The following SYTL1 variants were observed in gnomAD, a reference collection of about 807,000 sequenced individuals.
SYTL1 encodes synaptotagmin-like protein 1.
Under a neutral mutation model 74.6 loss-of-function variants are expected in SYTL1, and 53 were observed. The ratio of observed to expected loss-of-function variants is 0.71; its 90% CI spans 0.57 to 0.89. The LOEUF (loss-of-function observed/expected upper bound fraction) is 0.89. Ranked by LOEUF, SYTL1 falls within the 40% of genes least tolerant of loss-of-function variation. The pLI is 0.00. For synonymous variants in SYTL1, 329 were observed against 324.9 expected, an observed-to-expected ratio of 1.01 and a Z score of -0.14; for missense variants, 728 against 768.7, an observed-to-expected ratio of 0.95 and a Z score of 0.63.
rs199810766 is a variant in SYTL1, at chr1:27,349,195, G to C, written c.532+43G>C. 187 of 1,596,024 alleles carry C rather than the reference G, an allele frequency of 1.2e-4. 2 individuals are homozygous for C. In the East Asian group the frequency reaches 4.1e-3, roughly 35 times the overall value. On this transcript the variant is annotated intron_variant, in intron 6 of 14. Coordinates refer to ENST00000616558, the MANE Select transcript of SYTL1 (RefSeq NM_001193308.2). Reference sequence around the variant, plus strand: ...TTGGGGAGCACGGAGAGGTTTCGCGGGTCAGAGGCAGCTCTAAGGGGCCCC... The same window carrying C: ...TTGGGGAGCACGGAGAGGTTTCGCGCGTCAGAGGCAGCTCTAAGGGGCCCC...
rs1381077151 is a variant in SYTL1 at position 27,351,511 on chromosome 1, C to G, written c.1299C>G (p.Asp433Glu). Residue 433 changes from aspartate (D) to glutamate (E), a missense_variant, in exon 13 of 15, where the codon GAC becomes GAG. Physicochemically the swap from Asp to Glu is conservative, Grantham distance 45. Transcript: ENST00000616558. The surrounding 1 kb of genome is among the most constrained non-coding windows in gnomAD (Gnocchi z 5.0). ...ACTTCTGGGTGAAGGAGGCTCGGGA[C>G]CTCCTGCCGCTGCGGGCAGGATCCC... ...ELHFWVKEAR[D>E]LLPLRAGSLD... The G allele has an allele frequency of 1.3e-5, 20 of 1,549,020 alleles. No individual in the cohort carries two copies. The highest frequency in any genetic ancestry group is 1.7e-5 in the Non-Finnish European group (19 of 1,146,218).
Position 27,351,440 on chromosome 1 carries a change from C to A in SYTL1, c.1244-16C>A. 1 of 1,514,090 alleles carries A rather than the reference C, an allele frequency of 6.6e-7. No individual in the cohort carries two copies. The highest frequency in any genetic ancestry group is 1.7e-4 in the Middle Eastern group (1 of 5,774). The allele number at this position is 1,514,090 out of a possible 1,614,324, so 93.8% of individuals were successfully genotyped here. On this transcript the variant is annotated splice_polypyrimidine_tract_variant and intron_variant, in intron 12 of 14. Transcript: ENST00000616558. This position sits in a 1 kb window ranked among gnomAD's most constrained non-coding sequence, Gnocchi z 5.0. ...GACTCCATCCGTGTGCGGGCCTGAG[C>A]CGAGCCTCTCCGCAGGCGCAGGACT...
chr1:27,350,992 G>A lies in SYTL1; in HGVS notation c.1164+40G>A, dbSNP rs1557545652. 1.2e-6 allele frequency: 2 copies of A among 1,608,458 alleles called. No individual in the cohort carries two copies. Among genetic ancestry groups the A allele is most frequent in the Admixed American group, 1.7e-5 (1 of 59,852 alleles). Reference sequence around the variant, plus strand: ...CCGCGTGGGGAGACCTGCGGCCCGGGTCTCCTGCATTTACCCCACCAGGCT... The same window carrying A: ...CCGCGTGGGGAGACCTGCGGCCCGGATCTCCTGCATTTACCCCACCAGGCT... On this transcript the variant is annotated intron_variant, in intron 11 of 14. Transcript: ENST00000616558. The surrounding 1 kb of genome is among the most constrained non-coding windows in gnomAD (Gnocchi z 6.3).
Position 27,350,206 on chromosome 1 carries a change from C to T in SYTL1, c.908+74C>T, listed in dbSNP as rs778061515. ...ACCATTCACAGGGTCTCGGCCTCCT[C>T]GTCCTCATCTTCAAAATGGGAACAA... is the stretch of plus-strand genomic sequence containing the variant. On this transcript the variant is annotated intron_variant, in intron 9 of 14. Transcript: ENST00000616558. This position sits in a 1 kb window ranked among gnomAD's most constrained non-coding sequence, Gnocchi z 6.3. The T allele has an allele frequency of 6.8e-7, 1 of 1,474,824 alleles. No homozygotes were observed. The highest frequency in any genetic ancestry group is 2.2e-5 in the Admixed American group (1 of 46,106). The allele number at this position is 1,474,824 out of a possible 1,614,324, so 91.4% of individuals were successfully genotyped here.
Position 27,347,747 on chromosome 1 carries a change from C to G in SYTL1, c.341-61C>G. 1 of 1,573,090 alleles carries G rather than the reference C, an allele frequency of 6.4e-7. No homozygotes were observed. Among genetic ancestry groups the G allele is most frequent in the Non-Finnish European group, 8.6e-7 (1 of 1,157,948 alleles). Reference sequence around the variant, plus strand: ...TGGGTGGGTATCTCCCAGGGCCTCTCCCGAGTCACAGCCAGGCTTCCTGAG... The same window carrying G: ...TGGGTGGGTATCTCCCAGGGCCTCTGCCGAGTCACAGCCAGGCTTCCTGAG... On this transcript the variant is annotated intron_variant, in intron 3 of 14. Coordinates refer to ENST00000616558, the MANE Select transcript of SYTL1 (RefSeq NM_001193308.2). The surrounding 1 kb of genome is among the most constrained non-coding windows in gnomAD (Gnocchi z 4.9).
At chr1:27,349,898 A>C (rs2015178074) in intron 8 of SYTL1, 74 bp from the exon 9 acceptor site, 1 of 1,541,908 alleles carries the variant, frequency 6.5e-7, no homozygotes, top group Non-Finnish European at 8.7e-7. Context: ...CCCGGGTCTG[A>C]AGCCTCCGCG....
intron 2 of SYTL1, among the ~76,000 whole-genome samples, chr1:27,346,027 C>T (rs1023313881): frequency 2.5e-4 from 38 of 152,138 alleles, no homozygotes; most frequent in Middle Eastern, 3.2e-3. Context: ...ATGATCCACC[C>T]GCCTCAGCCT....
rs1206039741 is a variant in SYTL1, at chr1:27,351,469, C to T, written c.1257C>T (p.Pro419=). The T allele has an allele frequency of 6.5e-7, 1 of 1,542,498 alleles. No individual in the cohort carries two copies. The highest frequency in any genetic ancestry group is 8.7e-7 in the Non-Finnish European group (1 of 1,143,042). ...GCCTCTCCGCAGGCGCAGGACTGCC[C>T]CCGAGCGGGGAGCTGCACTTCTGGG... ...VPAGSEGAGL[P]PSGELHFWVK... The change falls in exon 13 of 15, where the codon CCC becomes CCT. Residue 419 remains proline, a synonymous_variant. Coordinates refer to ENST00000616558, the MANE Select transcript of SYTL1 (RefSeq NM_001193308.2). The surrounding 1 kb of genome is among the most constrained non-coding windows in gnomAD (Gnocchi z 5.0).
At position 27,353,328 on chromosome 1, in the gene SYTL1, G is replaced by T; in HGVS notation, c.1389G>T (p.Arg463Ser). Residue 463 changes from arginine to serine, a missense_variant, in exon 14 of 15, where the codon AGG (arginine) becomes AGT (serine). Coordinates refer to ENST00000616558, the MANE Select transcript of SYTL1 (RefSeq NM_001193308.2). ...DDSQASRQRT[R>S]VVRRSLSPVF... ...GCCAGGCCAGCCGCCAGCGTACAAG[G>T]GTTGTGCGACGCAGCCTCAGCCCTG... is the stretch of plus-strand genomic sequence containing the variant. 1 of 1,608,458 alleles carries T rather than the reference G, an allele frequency of 6.2e-7. No individual in the cohort carries two copies. The highest frequency in any genetic ancestry group is 8.5e-7 in the Non-Finnish European group (1 of 1,177,768).
rs1463606896 is a variant in SYTL1 at position 27,345,842 on chromosome 1, C to A, written c.191+317C>A. 6.6e-6 allele frequency among the ~76,000 whole-genome samples: 1 copy of A among 151,618 alleles called. No homozygotes were observed. The highest frequency in any genetic ancestry group is 1.5e-5 in the Non-Finnish European group (1 of 67,932). ...TCGCCCAGGCTGGAGTGAAGTGGCA[C>A]AATCTTGGCTCACTGCAACCTCCAC... On this transcript the variant is annotated intron_variant, in intron 2 of 14. Transcript: ENST00000616558. This position sits in a 1 kb window ranked among gnomAD's most constrained non-coding sequence, Gnocchi z 6.0.
rs1164878374 is a variant in SYTL1 at position 27,343,295 on chromosome 1, G to C, written c.-39+1145G>C. On this transcript the variant is annotated intron_variant, in intron 1 of 14. Coordinates refer to ENST00000616558, the MANE Select transcript of SYTL1 (RefSeq NM_001193308.2). This position sits in a 1 kb window ranked among gnomAD's most constrained non-coding sequence, Gnocchi z 5.2. Reference sequence around the variant, plus strand: ...GTGGTACCTGAGCATGGGCTGCTGCGCTAGCCTAGGCCTCCACCGCCGGGA... The same window carrying C: ...GTGGTACCTGAGCATGGGCTGCTGCCCTAGCCTAGGCCTCCACCGCCGGGA... The C allele has an allele frequency of 6.6e-6, 1 of 152,512 alleles. No homozygotes were observed. The highest frequency in any genetic ancestry group is 1.5e-5 in the Non-Finnish European group (1 of 68,244). 9.4% of individuals were successfully genotyped at this position (152,512 alleles called of 1,614,324 possible).
Position 27,350,021 on chromosome 1 carries a change from T to G in SYTL1, c.797T>G (p.Val266Gly), listed in dbSNP as rs1469037363. 6.4e-7 allele frequency: 1 copy of G among 1,552,234 alleles called. No individual in the cohort carries two copies. The highest frequency in any genetic ancestry group is 8.6e-7 in the Non-Finnish European group (1 of 1,158,488). ...SLSGDAEAVQ[V>G]RGSVHFALHY... ...TCAGGCGACGCGGAGGCGGTGCAGG[T>G]CCGCGGCTCCGTGCACTTCGCGCTG... The change falls in exon 9 of 15, where the codon GTC (valine) becomes GGC (glycine). Residue 266 changes from valine (V) to glycine (G), a missense_variant. Physicochemically the swap from Val to Gly is moderately radical, Grantham distance 109. Coordinates refer to ENST00000616558, the MANE Select transcript of SYTL1 (RefSeq NM_001193308.2). The surrounding 1 kb of genome is among the most constrained non-coding windows in gnomAD (Gnocchi z 6.3).
At position 27,345,328 on chromosome 1, in the gene SYTL1, C is replaced by G; in HGVS notation, c.-7C>G. ...CCGTGTGCCCAGCTGGGGCACAGCC[C>G]CAGCTGATGCCCCAGAGGGGCCACC... On this transcript the variant is annotated 5_prime_UTR_variant, in exon 2 of 15. Coordinates refer to ENST00000616558, the MANE Select transcript of SYTL1 (RefSeq NM_001193308.2). This position sits in a 1 kb window ranked among gnomAD's most constrained non-coding sequence, Gnocchi z 6.0. 6.7e-7 allele frequency: 1 copy of G among 1,499,126 alleles called. No individual in the cohort carries two copies. The highest frequency in any genetic ancestry group is 2.4e-5 in the Admixed American group (1 of 41,508). 92.9% of individuals were successfully genotyped at this position (1,499,126 alleles called of 1,614,324 possible). A position where few individuals can be genotyped will look rare whatever the true frequency, so the allele number is the denominator to read the frequency against.
At position 27,350,198 on chromosome 1, in the gene SYTL1, G is replaced by A. The variant is rs997221202; in HGVS notation, c.908+66G>A. The A allele has an allele frequency of 7.5e-6, 11 of 1,472,960 alleles. No individual in the cohort carries two copies. In the African/African-American group the frequency reaches 1.3e-4, roughly 17 times the overall value. 91.2% of individuals were successfully genotyped at this position (1,472,960 alleles called of 1,614,324 possible). ...CCCAGCCCACCATTCACAGGGTCTC[G>A]GCCTCCTCGTCCTCATCTTCAAAAT... On this transcript the variant is annotated intron_variant, in intron 9 of 14. Coordinates refer to ENST00000616558, the MANE Select transcript of SYTL1 (RefSeq NM_001193308.2). The surrounding 1 kb of genome is among the most constrained non-coding windows in gnomAD (Gnocchi z 6.3).
Position 27,345,349 on chromosome 1 carries a change from C to A in SYTL1, c.15C>A (p.Gly5=). Reference sequence around the variant, plus strand: ...AGCCCCAGCTGATGCCCCAGAGGGGCCACCCATCGCAAGAGGGGCTTTGGG... The same window carrying A: ...AGCCCCAGCTGATGCCCCAGAGGGGACACCCATCGCAAGAGGGGCTTTGGG... MPQR[G]HPSQEGLWAL... Residue 5 remains glycine (G), a synonymous_variant, in exon 2 of 15, where the codon GGC becomes GGA. Coordinates refer to ENST00000616558, the MANE Select transcript of SYTL1 (RefSeq NM_001193308.2). This position sits in a 1 kb window ranked among gnomAD's most constrained non-coding sequence, Gnocchi z 6.0. 1.3e-6 allele frequency: 2 copies of A among 1,529,240 alleles called. No individual in the cohort carries two copies. The highest frequency in any genetic ancestry group is 1.8e-6 in the Non-Finnish European group (2 of 1,137,390). 94.7% of individuals were successfully genotyped at this position (1,529,240 alleles called of 1,614,324 possible).
At position 27,345,762 on chromosome 1, in the gene SYTL1, G is replaced by A. The variant is rs1331224581; in HGVS notation, c.191+237G>A. On this transcript the variant is annotated intron_variant, in intron 2 of 14. Coordinates refer to ENST00000616558, the MANE Select transcript of SYTL1 (RefSeq NM_001193308.2). This position sits in a 1 kb window ranked among gnomAD's most constrained non-coding sequence, Gnocchi z 6.0. ...CTTGGGCCCACCTCCTGCAGCTGGT[G>A]CTCCCCAGATCTGTCTGCTTTTTTT... 6.6e-6 allele frequency among the ~76,000 whole-genome samples: 1 copy of A among 151,296 alleles called. No homozygotes were observed.
rs1557542365 is a variant in SYTL1 at position 27,349,489 on chromosome 1, G to C, written c.624G>C (p.Gln208His). The C allele has an allele frequency of 2.1e-6, 3 of 1,450,968 alleles. No homozygotes were observed. Among genetic ancestry groups the C allele is most frequent in the African/African-American group, 2.9e-5 (2 of 69,220 alleles). The allele number at this position is 1,450,968 out of a possible 1,614,324, so 89.9% of individuals were successfully genotyped here. A position where few individuals can be genotyped will look rare whatever the true frequency, so the allele number is the denominator to read the frequency against. The change falls in exon 7 of 15, where the codon CAG (glutamine) becomes CAC (histidine). Residue 208 changes from glutamine to histidine, a missense_variant. Coordinates refer to ENST00000616558, the MANE Select transcript of SYTL1 (RefSeq NM_001193308.2). Reference protein sequence around the residue: ...ASGGEQEPRPQQAQTKAASQI... With the variant: ...ASGGEQEPRPHQAQTKAASQI... Reference sequence around the variant, plus strand: ...GGGGAGAGCAGGAGCCGCGGCCCCAGCAAGCCCAGGTAGGCGGGAGTGGCC... The same window carrying C: ...GGGGAGAGCAGGAGCCGCGGCCCCACCAAGCCCAGGTAGGCGGGAGTGGCC...
intron 7 of SYTL1, 67 bp from the exon 8 acceptor site, chr1:27,349,585 G>A (rs1251656806): frequency 1.6e-5 from 24 of 1,522,482 alleles, no homozygotes; most frequent in Non-Finnish European, 2.1e-5. Flanking sequence ...CGAGCCGCCC[G>A]CGACCCAGGG....
intron 13 of SYTL1, 32 bp from the exon 14 acceptor site, chr1:27,353,251 G>T (rs1477420963): frequency 1.9e-6 from 3 of 1,557,824 alleles, no homozygotes; most frequent in South Asian, 1.2e-5. Context: ...GTGTGAGGGG[G>T]GTCACCTGAT....
Sources: gnomAD v4.1 joint callset for allele counts (sites outside exome capture counted in the v4.1 genomes callset) on GRCh38, gnomAD v4.1.1 for gene constraint, Gnocchi (gnomAD v3.1) non-coding constraint, MANE v1.5 for transcripts, NCBI Gene and HGNC (gene_info 2026-07-23, HGNC 2026-07-21) for gene names.